TSC2: variants seen among roughly 807,000 people sequenced by gnomAD.
The protein encoded by TSC2 is tuberin.
A neutral mutation model predicts 202.2 loss-of-function variants in TSC2; 29 were observed. That is an observed-to-expected ratio of 0.14 (90% confidence interval 0.11 to 0.20). The LOEUF (loss-of-function observed/expected upper bound fraction) is 0.20, where lower values mean the gene tolerates loss of function less well. Among genes scored for constraint, TSC2 ranks in the 10% least tolerant of loss-of-function variants. TSC2 has a pLI of 1.00. For synonymous variants in TSC2, 1,349 were observed against 1,044.0 expected (o/e 1.29, Z -5.63); for missense variants, 2,429 against 2,420.0 (o/e 1.00, Z -0.08).
chr16:2,054,190 A>G, intron 4 of TSC2, 106 bp from the exon 5 acceptor site: 1 of 1,567,400 alleles, frequency 6.4e-7, no homozygotes, highest in Non-Finnish European at 8.7e-7. Flanking sequence ...TGGGAAGGAG[A>G]GGGGTCCAGG....
chr16:2,078,588 CA>C, intron 26 of TSC2: 1 of 251,184 alleles, frequency 4.0e-6, no homozygotes, highest in African/African-American at 2.2e-5. Flanking sequence ...GGAGCTCAGG[CA>C]GCCGCTCGCC....
rs397515030 is a variant in TSC2 at position 2,080,375 on chromosome 16, C to T, written c.3608C>T (p.Thr1203Ile). 1 of 1,611,498 alleles carries T rather than the reference C, an allele frequency of 6.2e-7. No individual in the cohort carries two copies. The highest frequency in any genetic ancestry group is 8.5e-7 in the Non-Finnish European group (1 of 1,179,890). The change falls in exon 30 of 42, where the codon ACA (threonine) becomes ATA (isoleucine). Residue 1203 changes from threonine (T) to isoleucine (I), a missense_variant and splice_region_variant. Transcript: ENST00000219476. Reference protein sequence around the residue: ...GWAEILVRRPTGNTSWLMSLE... With the variant: ...GWAEILVRRPIGNTSWLMSLE... ...GCGGAGATCCTGGTCCGGAGGCCCA[C>T]AGGTACTGGGCGGGGCTGGCCTGAG...
intron 16 of TSC2, among the ~76,000 whole-genome samples, chr16:2,069,695 T>C (rs2087950884): frequency 6.6e-6 from 1 of 152,214 alleles, no homozygotes; most frequent in Non-Finnish European, 1.5e-5. Flanking sequence ...TTAGCCAGGA[T>C]GGTCTTGATC....
chr16:2,063,759 T>TG, intron 14 of TSC2: 1 of 206,198 alleles, frequency 4.8e-6, no homozygotes, highest in Non-Finnish European at 9.9e-6. Context: ...GTCCTCTGGC[T>TG]TCTCCCATCA....
chr16:2,083,153 C>T (rs776713314), intron 32 of TSC2: 9 of 456,856 alleles, frequency 2.0e-5, no homozygotes, highest in South Asian at 1.1e-4. Context: ...GCTTCTACTT[C>T]CTCTCCCCCT....
rs1338516319 is a variant in TSC2, at chr16:2,080,385, G to C, written c.3610+8G>C. 6.2e-7 allele frequency: 1 copy of C among 1,610,848 alleles called. No homozygotes were observed. Among genetic ancestry groups the C allele is most frequent in the South Asian group, 1.1e-5 (1 of 91,002 alleles). On this transcript the variant is annotated splice_region_variant and intron_variant, in intron 30 of 41. Transcript: ENST00000219476. ...TGGTCCGGAGGCCCACAGGTACTGG[G>C]CGGGGCTGGCCTGAGCGCCATCTTT... is the stretch of plus-strand genomic sequence containing the variant.
At chr16:2,072,099 C>G in intron 19 of TSC2, 142 bp from the exon 20 acceptor site, 1 of 1,527,184 alleles carries the variant, frequency 6.5e-7, no homozygotes, top group Non-Finnish European at 8.8e-7. Flanking sequence ...CAGAGGCCTG[C>G]GCTGGGCAGG....
At chr16:2,077,864 C>A in intron 26 of TSC2, 138 bp downstream of exon 26, 1 of 1,456,340 alleles carries the variant, frequency 6.9e-7, no homozygotes, top group Non-Finnish European at 9.3e-7. Flanking sequence ...GAGCCGGTGA[C>A]GAGGGGTGGA....
intron 25 of TSC2, among the ~76,000 whole-genome samples, chr16:2,077,022 C>G (rs969694390): frequency 6.6e-6 from 1 of 152,232 alleles, no homozygotes. Flanking sequence ...CCTCCTGTCC[C>G]CCACCTTCCT....
At chr16:2,081,837 C>CA in intron 31 of TSC2, 39 bp downstream of exon 31, 1 of 1,605,480 alleles carries the variant, frequency 6.2e-7, no homozygotes, top group Non-Finnish European at 8.5e-7. Flanking sequence ...GCTCTGCTCC[C>CA]ACTGGCCTGG....
rs1261051662 is a variant in TSC2 at position 2,081,865 on chromosome 16, A to G, written c.3814+67A>G. 30 of 1,574,796 alleles carry G rather than the reference A, an allele frequency of 1.9e-5. 1 individual carries two copies. The South Asian group carries it at 2.2e-4, about 11-fold the overall frequency. On this transcript the variant is annotated intron_variant, in intron 31 of 41. Coordinates refer to ENST00000219476, the MANE Select transcript of TSC2 (RefSeq NM_000548.5). ...TGGCCTGGTGCTCCCGGTGACGGCA[A>G]TGTGGCTCCTCTCTGCTGAGGGCGC...
chr16:2,049,942 C>A (rs746891159), intron 2 of TSC2, among the ~76,000 whole-genome samples: 1 of 151,898 alleles, frequency 6.6e-6, no homozygotes, highest in East Asian at 1.9e-4. Context: ...CAGTAAAGCC[C>A]CTCAGTAAAT....
intron 4 of TSC2, 115 bp downstream of exon 4, chr16:2,053,567 G>C: frequency 9.5e-7 from 1 of 1,053,748 alleles, no homozygotes; most frequent in Non-Finnish European, 1.4e-6. Context: ...ACAGGGTCTA[G>C]GGGCTGATGG....
intron 13 of TSC2, 178 bp downstream of exon 13, chr16:2,062,778 C>A: frequency 1.1e-6 from 1 of 888,000 alleles, no homozygotes; most frequent in Non-Finnish European, 1.8e-6. Flanking sequence ...AGGACAGGTC[C>A]TCTCATGACG....
At position 2,060,822 on chromosome 16, in the gene TSC2, G is replaced by T. The variant is rs748164142; in HGVS notation, c.1119+9G>T. Reference sequence around the variant, plus strand: ...TCCTTCAGCAGCTCCAGGTGGGGTGGGGGCAGGAGCTCCGGGGAGCACCGG... The same window carrying T: ...TCCTTCAGCAGCTCCAGGTGGGGTGTGGGCAGGAGCTCCGGGGAGCACCGG... On this transcript the variant is annotated intron_variant, in intron 11 of 41. Transcript: ENST00000219476. The T allele has an allele frequency of 1.9e-6, 3 of 1,613,032 alleles. No homozygotes were observed. Among genetic ancestry groups the T allele is most frequent in the Non-Finnish European group, 2.5e-6 (3 of 1,179,896 alleles).
At position 2,078,490 on chromosome 16, in the gene TSC2, T is replaced by G. The variant is rs553194801; in HGVS notation, c.2967-542T>G. The stretch of plus-strand genomic sequence containing the variant: ...AGGCTTAAAGCCATTTTCTAGCACA[T>G]TCTGTATCATGAGCAAAATATTGCC... On this transcript the variant is annotated intron_variant, in intron 26 of 41. Coordinates refer to ENST00000219476, the MANE Select transcript of TSC2 (RefSeq NM_000548.5). The G allele has an allele frequency of 1.7e-4, 34 of 194,798 alleles. 2 individuals are homozygous for G. The highest frequency in any genetic ancestry group is 3.0e-4 in the Non-Finnish European group (28 of 93,842). The allele number at this position is 194,798 out of a possible 1,614,324, so 12.1% of individuals were successfully genotyped here. A position where few individuals can be genotyped will look rare whatever the true frequency, so the allele number is the denominator to read the frequency against.
Position 2,086,184 on chromosome 16 carries a change from T to C in TSC2, c.4663-9T>C, listed in dbSNP as rs1596437808. ...GTGATGCCACCCTGCCTCTCCCCTCTCCCCACAGAGCAACAGCGAGCTCGC... is the reference window on the plus strand; with the variant it reads ...GTGATGCCACCCTGCCTCTCCCCTCCCCCCACAGAGCAACAGCGAGCTCGC... On this transcript the variant is annotated splice_polypyrimidine_tract_variant and intron_variant, in intron 36 of 41. Coordinates refer to ENST00000219476, the MANE Select transcript of TSC2 (RefSeq NM_000548.5). 6.2e-7 allele frequency: 1 copy of C among 1,612,170 alleles called. No individual in the cohort carries two copies. The highest frequency in any genetic ancestry group is 8.5e-7 in the Non-Finnish European group (1 of 1,179,808).
intron 14 of TSC2, chr16:2,063,305 G>A (rs377097258): frequency 2.0e-5 from 12 of 596,904 alleles, no homozygotes; most frequent in East Asian, 2.0e-4. Context: ...AGGGAGCTCC[G>A]GCCGGTTTTC....
chr16:2,081,327 G>A (rs574879064), intron 30 of TSC2: 5 of 529,740 alleles, frequency 9.4e-6, no homozygotes, highest in East Asian at 6.6e-5. Context: ...TCCAGCCCTC[G>A]TGGAGGCCTT....
Sources: gnomAD v4.1 joint callset for allele counts (sites outside exome capture counted in the v4.1 genomes callset) on GRCh38, gnomAD v4.1.1 for gene constraint, MANE v1.5 for transcripts, NCBI Gene and HGNC (gene_info 2026-07-23, HGNC 2026-07-21) for gene names.